Variants in TRIM39 observed in about 807,000 individuals in gnomAD.
The protein encoded by TRIM39 is tripartite motif containing 39.
TRIM39 carries 5 observed loss-of-function variants against 53.6 expected under a neutral mutation model. That is an observed-to-expected ratio of 0.09 (90% CI 0.05 to 0.20). TRIM39 has a LOEUF of 0.20. TRIM39 is among the 10% of genes least tolerant of loss of function. TRIM39 has a pLI of 1.00. For synonymous variants in TRIM39, 196 were observed against 237.6 expected (o/e 0.82, Z 1.61); for missense variants, 310 against 621.0 (o/e 0.50, Z 5.32).
At chr6:30,341,831 A>G (rs1787588928) in exon 8 of TRIM39, 6 of 1,612,762 alleles carry the variant, frequency 3.7e-6, no homozygotes, top group Non-Finnish European at 5.1e-6. Flanking sequence ...AAGGCGTTTC[A>G]CCTTCTACCC....
intron 5 of TRIM39, among the ~76,000 whole-genome samples, chr6:30,336,612 C>G (rs1181985351): frequency 6.6e-6 from 1 of 152,202 alleles, no homozygotes; most frequent in Non-Finnish European, 1.5e-5. Context: ...AAAGATATCT[C>G]TGAGCATGTG....
At chr6:30,334,521 A>G (rs1786622378) in intron 4 of TRIM39, among the ~76,000 whole-genome samples, 1 of 152,214 alleles carries the variant, frequency 6.6e-6, no homozygotes, top group Non-Finnish European at 1.5e-5. Context: ...TTCCTGGGGT[A>G]GGAATTGCCA....
At chr6:30,329,360 T>C (rs751658014) in exon 3 of TRIM39, 1 of 1,613,042 alleles carries the variant, frequency 6.2e-7, no homozygotes, top group Non-Finnish European at 8.5e-7. Context: ...CTCTGCAGCC[T>C]CTACAGCTGC....
At chr6:30,340,289 T>A (rs1222819434) in intron 6 of TRIM39, 1 of 1,612,828 alleles carries the variant, frequency 6.2e-7, no homozygotes, top group Non-Finnish European at 8.5e-7. Flanking sequence ...CCTAGAAAGT[T>A]CGGAGGCTCA....
At position 30,328,499 on chromosome 6, in the gene TRIM39, T is replaced by C. The variant is rs149532845; in HGVS notation, c.-160-390T>C. 5.7e-3 allele frequency among the ~76,000 whole-genome samples: 870 copies of C among 152,360 alleles called. 1 individual carries two copies. Among genetic ancestry groups the C allele is most frequent in the Middle Eastern group, 0.031 (9 of 294 alleles). ...CTGAAAAGAGGAGGTTGCCTTTGCC[T>C]CATTCATTCCATTTGTTAGCCTTTA... On this transcript the variant is annotated intron_variant, in intron 1 of 7. Coordinates refer to ENST00000396551, the Ensembl canonical transcript of TRIM39.
intron 4 of TRIM39, among the ~76,000 whole-genome samples, chr6:30,334,255 C>G (rs889161152): frequency 2.0e-5 from 3 of 152,080 alleles, no homozygotes; most frequent in African/African-American, 7.2e-5. Flanking sequence ...TTCTAGAGTC[C>G]CAGTCTCTGC....
intron 2 of TRIM39, 114 bp downstream of exon 2, chr6:30,329,155 T>C (rs1476946670): frequency 3.5e-6 from 3 of 858,650 alleles, no homozygotes; most frequent in Non-Finnish European, 5.2e-6. Context: ...GAGGTTGAAT[T>C]GATTGGAAGA....
At position 30,339,337 on chromosome 6, in the gene TRIM39, C is replaced by A. The variant is rs1248153623; in HGVS notation, c.781-571C>A. Among the ~76,000 whole-genome samples, 1 of 152,040 alleles carries A rather than the reference C, an allele frequency of 6.6e-6. No individual in the cohort carries two copies. The highest frequency in any genetic ancestry group is 1.5e-5 in the Non-Finnish European group (1 of 67,998). On this transcript the variant is annotated intron_variant, in intron 5 of 7. Transcript: ENST00000396551. This position sits in a 1 kb window ranked among gnomAD's most constrained non-coding sequence, Gnocchi z 4.2. ...CTAATTTTTGTATTTTTAGTAAAGA[C>A]AGGGTTTCACCATGTTGGCTAGGCT...
At chr6:30,327,669 A>C (rs1038993505) in intron 1 of TRIM39, 6 of 152,140 alleles carry the variant, frequency 3.9e-5, no homozygotes, top group African/African-American at 1.5e-4. Context: ...CTGGTGCCTT[A>C]CTGTGCATAC....
At chr6:30,329,795 A>G in intron 3 of TRIM39, 25 bp downstream of exon 3, 1 of 1,600,540 alleles carries the variant, frequency 6.2e-7, no homozygotes. Flanking sequence ...ACACGATGTC[A>G]GTGTGGGTAA....
intron 4 of TRIM39, among the ~76,000 whole-genome samples, chr6:30,333,677 T>C (rs968378350): frequency 1.3e-5 from 2 of 152,206 alleles, no homozygotes; most frequent in Non-Finnish European, 2.9e-5. Context: ...GCCTGTGTTT[T>C]TGAATATCCA....
intron 1 of TRIM39, among the ~76,000 whole-genome samples, chr6:30,328,547 C>A (rs1488986693): frequency 1.3e-5 from 2 of 152,156 alleles, no homozygotes; most frequent in African/African-American, 4.8e-5. Context: ...CTAACCCTTT[C>A]AATATGAGGA....
chr6:30,338,490 C>T lies in TRIM39; in HGVS notation c.781-1418C>T, dbSNP rs1240193859. Among the ~76,000 whole-genome samples, 2 of 151,518 alleles carry T rather than the reference C, an allele frequency of 1.3e-5. No individual in the cohort carries two copies. Among genetic ancestry groups the T allele is most frequent in the Non-Finnish European group, 2.9e-5 (2 of 67,926 alleles). The stretch of plus-strand genomic sequence containing the variant: ...ATAGCTGGTAGTGGATCAGTTAGAA[C>T]ACATAAAATATATTTATCGATTAAG... On this transcript the variant is annotated intron_variant, in intron 5 of 7. Coordinates refer to ENST00000396551, the Ensembl canonical transcript of TRIM39. The surrounding 1 kb of genome is among the most constrained non-coding windows in gnomAD (Gnocchi z 4.0).
chr6:30,342,209 C>T lies in TRIM39; in HGVS notation c.1417C>T (p.Arg473Trp). ...CTTCTACCCAGGCATCCGGGCTGGA[C>T]GGAAGAATGCTGCACCACTTACCAT... The change falls in exon 8 of 8, where the codon CGG becomes TGG. Residue 473 changes from arginine to tryptophan, a missense_variant. Physicochemically the swap from Arg to Trp is moderately radical, Grantham distance 101 (BLOSUM62 -3). Transcript: ENST00000396551. This position sits in a 1 kb window ranked among gnomAD's most constrained non-coding sequence, Gnocchi z 4.7. 2 of 1,613,004 alleles carry T rather than the reference C, an allele frequency of 1.2e-6. No individual in the cohort carries two copies. Among genetic ancestry groups the T allele is most frequent in the Non-Finnish European group, 1.7e-6 (2 of 1,180,040 alleles).
intron 6 of TRIM39, 120 bp downstream of exon 6, chr6:30,340,050 A>G (rs554059002): frequency 1.1e-5 from 16 of 1,471,792 alleles, no homozygotes; most frequent in East Asian, 6.9e-5. Context: ...TGGGCAGGGT[A>G]TGGGAGAATG....
chr6:30,332,935 A>G (rs1056516893), intron 4 of TRIM39, among the ~76,000 whole-genome samples: 2 of 152,210 alleles, frequency 1.3e-5, no homozygotes, highest in Non-Finnish European at 2.9e-5. Flanking sequence ...AATATAACCT[A>G]TGTGCATAAT....
chr6:30,340,198 G>A, intron 6 of TRIM39: 1 of 1,337,190 alleles, frequency 7.5e-7, no homozygotes, highest in South Asian at 1.2e-5. Flanking sequence ...GGGTGGAATT[G>A]TGTCCAAACA....
At chr6:30,334,424 G>A (rs1298715176) in intron 4 of TRIM39, among the ~76,000 whole-genome samples, 1 of 152,178 alleles carries the variant, frequency 6.6e-6, no homozygotes, top group Non-Finnish European at 1.5e-5. Context: ...TTTCAGGAAT[G>A]TTAGAGGCTT....
chr6:30,335,849 G>C lies in TRIM39; in HGVS notation c.654G>C (p.Glu218Asp). 1 of 1,613,028 alleles carries C rather than the reference G, an allele frequency of 6.2e-7. No individual in the cohort carries two copies. Among genetic ancestry groups the C allele is most frequent in the Non-Finnish European group, 8.5e-7 (1 of 1,180,022 alleles). Residue 218 changes from glutamate (E) to aspartate (D), a missense_variant, in exon 5 of 8, where the codon GAG (glutamate) becomes GAC (aspartate). Transcript: ENST00000396551. The surrounding 1 kb of genome is among the most constrained non-coding windows in gnomAD (Gnocchi z 4.7). ...TGTTGCTTTCACGACTGGAAGAAGA[G>C]GAACAGGACATTCTGCAGCGACTCC...
Sources: gnomAD v4.1 joint callset for allele counts (sites outside exome capture counted in the v4.1 genomes callset) on GRCh38, gnomAD v4.1.1 for gene constraint, Gnocchi (gnomAD v3.1) non-coding constraint, MANE v1.5 for transcripts, NCBI Gene and HGNC (gene_info 2026-07-23, HGNC 2026-07-21) for gene names.